SGCZ: variants seen among roughly 807,000 people sequenced by gnomAD.
SGCZ encodes the protein zeta-sarcoglycan.
Under a neutral mutation model 41.3 loss-of-function variants are expected in SGCZ, and 40 were observed. The observed-to-expected ratio is 0.97, with a 90% CI of 0.75 to 1.26. The LOEUF is 1.26. Among genes scored for constraint, SGCZ ranks in the 50% most tolerant of loss-of-function variants. The pLI is 0.00. For synonymous variants in SGCZ, 206 were observed against 137.5 expected, an observed-to-expected ratio of 1.50 and a Z score of -3.49; for missense variants, 552 against 369.8, an observed-to-expected ratio of 1.49 and a Z score of -4.04.
intron 2 of SGCZ, among the ~76,000 whole-genome samples, chr8:14,351,590 T>C (rs1376768284): frequency 6.6e-6 from 1 of 151,334 alleles, no homozygotes; most frequent in Non-Finnish European, 1.5e-5. Context: ...ATATATTATA[T>C]AGGAAATTGT....
At position 14,573,189 on chromosome 8, in the gene SGCZ, C is replaced by CTT. The variant is rs35000758; in HGVS notation, c.40-18265_40-18264dup. On this transcript the variant is annotated intron_variant, in intron 1 of 7. Coordinates refer to ENST00000382080, the MANE Select transcript of SGCZ (RefSeq NM_139167.4). ...TTGCCTCCAAGCTTTCTTAGCAAGT[C>CTT]TTTTTTTTTTTTTTTTTTTTTTTTT... 4.5e-3 allele frequency among the ~76,000 whole-genome samples: 344 copies of CTT among 76,486 alleles called. 13 individuals are homozygous for CTT. The highest frequency in any genetic ancestry group is 0.017 in the African/African-American group (315 of 18,722). The allele number at this position is 76,486 out of a possible 152,430, so 50.2% of individuals were successfully genotyped here. A position where few individuals can be genotyped will look rare whatever the true frequency, so the allele number is the denominator to read the frequency against.
At chr8:15,084,970 T>A (rs899220138) in intron 1 of SGCZ, among the ~76,000 whole-genome samples, 1 of 152,164 alleles carries the variant, frequency 6.6e-6, no homozygotes, top group Non-Finnish European at 1.5e-5. Flanking sequence ...TATAATTCAG[T>A]GGCAATAATT....
At chr8:15,205,506 C>A (rs1014055918) in intron 1 of SGCZ, among the ~76,000 whole-genome samples, 2 of 152,014 alleles carry the variant, frequency 1.3e-5, no homozygotes, top group African/African-American at 2.4e-5. Flanking sequence ...CAAAGAAAAG[C>A]TCATTATTAC....
intron 1 of SGCZ, among the ~76,000 whole-genome samples, chr8:14,683,883 G>T (rs1024676635): frequency 6.6e-6 from 1 of 151,920 alleles, no homozygotes; most frequent in African/African-American, 2.4e-5. Flanking sequence ...ACACTTAAAC[G>T]TACCATCAAC....
intron 1 of SGCZ, among the ~76,000 whole-genome samples, chr8:15,137,348 AC>A (rs1004475250): frequency 6.6e-6 from 1 of 152,142 alleles, no homozygotes; most frequent in African/African-American, 2.4e-5. Flanking sequence ...AAAAAAGAAA[AC>A]CCCATTTTCT....
At chr8:14,720,550 G>C (rs1203380299) in intron 1 of SGCZ, among the ~76,000 whole-genome samples, 1 of 152,054 alleles carries the variant, frequency 6.6e-6, no homozygotes, top group Non-Finnish European at 1.5e-5. Context: ...CTCTGTATCA[G>C]TGGTCATCTG....
intron 1 of SGCZ, among the ~76,000 whole-genome samples, chr8:15,030,205 G>C (rs1226912783): frequency 1.3e-5 from 2 of 152,036 alleles, no homozygotes; most frequent in African/African-American, 4.8e-5. Context: ...GATTCATAAG[G>C]GGTTATCTAA....
At chr8:14,231,866 T>C (rs563196676) in intron 4 of SGCZ, among the ~76,000 whole-genome samples, 23 of 152,222 alleles carry the variant, frequency 1.5e-4, no homozygotes, top group Admixed American at 6.6e-4. Context: ...ACATTTCCTT[T>C]TACCCCTTTA....
intron 3 of SGCZ, among the ~76,000 whole-genome samples, chr8:14,269,080 G>C (rs1052095453): frequency 6.6e-6 from 1 of 151,706 alleles, no homozygotes; most frequent in Middle Eastern, 3.2e-3. Flanking sequence ...AATTATAAGT[G>C]TTTCACTCTT....
At chr8:14,977,606 GAATACAGGAA>G (rs1171497111) in intron 1 of SGCZ, among the ~76,000 whole-genome samples, 2 of 151,856 alleles carry the variant, frequency 1.3e-5, no homozygotes, top group Admixed American at 6.6e-5. Flanking sequence ...TTTACATTTA[GAATACAGGAA>G]AATAAAGGCT....
chr8:14,308,192 G>T (rs973642227), intron 3 of SGCZ, among the ~76,000 whole-genome samples: 2 of 151,948 alleles, frequency 1.3e-5, no homozygotes, highest in African/African-American at 4.8e-5. Context: ...TACAAGAGGA[G>T]ATTATACCTA....
At chr8:15,190,788 G>A (rs2117109558) in intron 1 of SGCZ, among the ~76,000 whole-genome samples, 1 of 152,088 alleles carries the variant, frequency 6.6e-6, no homozygotes, top group South Asian at 2.1e-4. Context: ...TTTGTAAAAA[G>A]TCTTCTTTAG....
At chr8:14,700,584 C>T (rs922265415) in intron 1 of SGCZ, among the ~76,000 whole-genome samples, 2 of 151,762 alleles carry the variant, frequency 1.3e-5, no homozygotes, top group African/African-American at 4.8e-5. Flanking sequence ...TGTAACATAC[C>T]AGCACATGTA....
chr8:14,313,169 G>C (rs542809911), intron 3 of SGCZ, among the ~76,000 whole-genome samples: 1 of 152,266 alleles, frequency 6.6e-6, no homozygotes, highest in Non-Finnish European at 1.5e-5. Context: ...ATGGAATGCT[G>C]TTAGAACTGG....
intron 1 of SGCZ, among the ~76,000 whole-genome samples, chr8:15,107,775 T>C (rs920036260): frequency 1.3e-5 from 2 of 152,214 alleles, no homozygotes; most frequent in East Asian, 1.9e-4. Context: ...TCTGAAATCA[T>C]TGGCCTAGCA....
chr8:14,810,400 G>A (rs973669198), intron 1 of SGCZ, among the ~76,000 whole-genome samples: 34 of 151,938 alleles, frequency 2.2e-4, no homozygotes, highest in African/African-American at 8.2e-4. Flanking sequence ...AAGAAATGGT[G>A]CAGCAGTGTG....
intron 2 of SGCZ, among the ~76,000 whole-genome samples, chr8:14,395,262 T>A (rs1214781284): frequency 6.6e-6 from 1 of 152,144 alleles, no homozygotes; most frequent in East Asian, 1.9e-4. Flanking sequence ...CCTTGAAAAT[T>A]CAGATGCATG....
chr8:14,645,021 CT>C (rs1176985674), intron 1 of SGCZ, among the ~76,000 whole-genome samples: 1 of 150,798 alleles, frequency 6.6e-6, no homozygotes, highest in East Asian at 2.0e-4. Flanking sequence ...GGTCTCAGGT[CT>C]CATCTGAGCC....
intron 2 of SGCZ, among the ~76,000 whole-genome samples, chr8:14,381,731 AGCCATGATTGC>A (rs756821604): frequency 2.0e-5 from 3 of 152,132 alleles, no homozygotes; most frequent in Non-Finnish European, 4.4e-5. Context: ...GGCTGCAGTG[AGCCATGATTGC>A]GCCACTGCCT....
Sources: gnomAD v4.1 joint callset for allele counts (sites outside exome capture counted in the v4.1 genomes callset) on GRCh38, gnomAD v4.1.1 for gene constraint, MANE v1.5 for transcripts, NCBI Gene and HGNC (gene_info 2026-07-23, HGNC 2026-07-21) for gene names.